The following CPA6 variants were observed in gnomAD, a reference collection of about 807,000 sequenced individuals.
CPA6 encodes carboxypeptidase B.
Under a neutral mutation model 63.3 loss-of-function variants are expected in CPA6, and 58 were observed. That is an observed-to-expected ratio of 0.92 (90% CI 0.74 to 1.14). CPA6 has a LOEUF of 1.14. CPA6 is among the 50% of genes most tolerant of loss of function. The pLI is 0.00. For synonymous variants in CPA6, 185 were observed against 179.0 expected (o/e 1.03, Z -0.27); for missense variants, 565 against 526.6 (o/e 1.07, Z -0.71).
intron 1 of CPA6, among the ~76,000 whole-genome samples, chr8:67,647,693 A>T (rs1337520299): frequency 2.0e-5 from 3 of 152,212 alleles, no homozygotes; most frequent in African/African-American, 7.2e-5. Flanking sequence ...TAAAGAAGAA[A>T]ACAATTACCT....
chr8:67,476,219 T>C (rs1811233439), intron 8 of CPA6, among the ~76,000 whole-genome samples: 1 of 151,922 alleles, frequency 6.6e-6, no homozygotes, highest in South Asian at 2.1e-4. Flanking sequence ...GCCAGGCTGG[T>C]CTCAAACTCC....
chr8:67,545,582 T>TTTTGTC (rs987259913), intron 2 of CPA6, among the ~76,000 whole-genome samples: 2 of 150,300 alleles, frequency 1.3e-5, no homozygotes, highest in Non-Finnish European at 3.0e-5. Flanking sequence ...TTTTTTTTTT[T>TTTTGTC]TTGAGATGGA....
At chr8:67,689,460 G>T (rs1265800022) in intron 1 of CPA6, among the ~76,000 whole-genome samples, 1 of 152,108 alleles carries the variant, frequency 6.6e-6, no homozygotes, top group East Asian at 1.9e-4. Flanking sequence ...AGTGTCTATT[G>T]TTCCCATCTT....
intron 1 of CPA6, among the ~76,000 whole-genome samples, chr8:67,624,815 G>C (rs1338017306): frequency 1.3e-5 from 2 of 152,154 alleles, no homozygotes; most frequent in Non-Finnish European, 1.5e-5. Flanking sequence ...GTCGGCGTTA[G>C]ACACTGATGG....
At chr8:67,510,911 G>C (rs1365294838) in intron 4 of CPA6, among the ~76,000 whole-genome samples, 3 of 152,144 alleles carry the variant, frequency 2.0e-5, no homozygotes, top group Non-Finnish European at 2.9e-5. Context: ...TGTGCTATGG[G>C]GGCATGTAAT....
At chr8:67,691,515 A>G (rs913109022) in intron 1 of CPA6, among the ~76,000 whole-genome samples, 1 of 152,106 alleles carries the variant, frequency 6.6e-6, no homozygotes, top group African/African-American at 2.4e-5. Context: ...GAGGCCTGAG[A>G]AGGTGGTGGG....
chr8:67,611,620 T>G (rs1314171219), intron 2 of CPA6, among the ~76,000 whole-genome samples: 1 of 152,274 alleles, frequency 6.6e-6, no homozygotes, highest in South Asian at 2.1e-4. Flanking sequence ...TATTTCTCCT[T>G]TGATAGCTGG....
intron 8 of CPA6, among the ~76,000 whole-genome samples, chr8:67,440,343 G>A (rs768871810): frequency 9.9e-5 from 15 of 152,054 alleles, no homozygotes; most frequent in Non-Finnish European, 1.9e-4. Flanking sequence ...GGCTGAAGCG[G>A]GCGGATCACT....
chr8:67,571,897 G>T (rs924249067), intron 2 of CPA6, among the ~76,000 whole-genome samples: 3 of 151,850 alleles, frequency 2.0e-5, no homozygotes, highest in African/African-American at 4.8e-5. Context: ...ACTAAGAGTT[G>T]GTTTTTTAAA....
intron 1 of CPA6, among the ~76,000 whole-genome samples, chr8:67,744,174 T>C (rs1438177526): frequency 1.3e-5 from 2 of 152,204 alleles, no homozygotes; most frequent in Non-Finnish European, 2.9e-5. Context: ...GTGAATATGC[T>C]CAGAAATATT....
chr8:67,716,560 A>G (rs1046076492), intron 1 of CPA6, among the ~76,000 whole-genome samples: 2 of 152,214 alleles, frequency 1.3e-5, no homozygotes, highest in African/African-American at 4.8e-5. Context: ...ACAATAGGGC[A>G]GAGGAAGCAA....
In CPA6 at chr8:67,484,800, A is replaced by G; in HGVS notation, c.637-11T>C. On this transcript the variant is annotated splice_polypyrimidine_tract_variant and intron_variant, in intron 6 of 10. Coordinates refer to ENST00000297770, the MANE Select transcript of CPA6 (RefSeq NM_020361.5). ...ATATGTTAGAAGAGCCTAAAAGACA[A>G]AGGTGAGATTTTTCTTTTAAATTGG... 1 of 1,477,790 alleles carries G rather than the reference A, an allele frequency of 6.8e-7. No homozygotes were observed. The highest frequency in any genetic ancestry group is 9.4e-7 in the Non-Finnish European group (1 of 1,064,762). 91.5% of individuals were successfully genotyped at this position (1,477,790 alleles called of 1,614,324 possible).
intron 1 of CPA6, among the ~76,000 whole-genome samples, chr8:67,687,245 G>A (rs1409929408): frequency 6.6e-6 from 1 of 152,146 alleles, no homozygotes; most frequent in Non-Finnish European, 1.5e-5. Flanking sequence ...AGCAGGGAAG[G>A]GCCTCAGTCC....
intron 2 of CPA6, among the ~76,000 whole-genome samples, chr8:67,537,484 G>C (rs759200359): frequency 1.1e-4 from 17 of 152,194 alleles, no homozygotes; most frequent in Non-Finnish European, 2.5e-4. Flanking sequence ...TTTGCGTAGA[G>C]GTGTTTATAG....
At chr8:67,644,575 A>G (rs1815673586) in intron 1 of CPA6, among the ~76,000 whole-genome samples, 1 of 152,230 alleles carries the variant, frequency 6.6e-6, no homozygotes, top group African/African-American at 2.4e-5. Flanking sequence ...CAGAGCTCTT[A>G]CAAGCATGTT....
intron 3 of CPA6, among the ~76,000 whole-genome samples, chr8:67,514,376 C>T (rs1204074391): frequency 2.6e-5 from 4 of 152,184 alleles, no homozygotes; most frequent in African/African-American, 9.7e-5. Flanking sequence ...GGGCCAGACA[C>T]ATGAGGTCAC....
chr8:67,447,633 C>A (rs958851815), intron 8 of CPA6, among the ~76,000 whole-genome samples: 2 of 151,510 alleles, frequency 1.3e-5, no homozygotes, highest in Admixed American at 6.6e-5. Flanking sequence ...AGATTTTTTG[C>A]CAGATTGCTT....
At chr8:67,459,774 T>C (rs1005661951) in intron 8 of CPA6, among the ~76,000 whole-genome samples, 2 of 152,230 alleles carry the variant, frequency 1.3e-5, no homozygotes. Flanking sequence ...TTCAGTGTAA[T>C]GCAGTCCAAT....
At chr8:67,692,251 G>T (rs879488601) in intron 1 of CPA6, among the ~76,000 whole-genome samples, 3 of 148,624 alleles carry the variant, frequency 2.0e-5, no homozygotes, top group Admixed American at 1.4e-4. Flanking sequence ...CAGGAGAATC[G>T]CTTGAATCCA....
Sources: gnomAD v4.1 joint callset for allele counts (sites outside exome capture counted in the v4.1 genomes callset) on GRCh38, gnomAD v4.1.1 for gene constraint, MANE v1.5 for transcripts, NCBI Gene and HGNC (gene_info 2026-07-23, HGNC 2026-07-21) for gene names.